LRRC4C: variants seen among roughly 807,000 people sequenced by gnomAD.
The protein encoded by LRRC4C is leucine-rich repeat-containing protein 4C.
In LRRC4C, 5 loss-of-function variants were observed where a neutral mutation model predicts 33.6. That is an observed-to-expected ratio of 0.15 (90% CI 0.08 to 0.31). The LOEUF is 0.31. LRRC4C is among the 10% of genes least tolerant of loss of function. The pLI is 1.00. For synonymous variants in LRRC4C, 329 were observed against 302.0 expected (o/e 1.09, Z -0.93); for missense variants, 560 against 796.7 (o/e 0.70, Z 3.58).
chr11:40,270,023 A>T (rs1209613374), intron 4 of LRRC4C, among the ~76,000 whole-genome samples: 3 of 152,144 alleles, frequency 2.0e-5, no homozygotes, highest in Admixed American at 2.0e-4. Flanking sequence ...CTTCTCCTGA[A>T]ATAGCAACAC....
intron 1 of LRRC4C, among the ~76,000 whole-genome samples, chr11:41,214,698 C>T (rs1053350346): frequency 6.8e-6 from 1 of 147,476 alleles, no homozygotes; most frequent in Admixed American, 6.8e-5. Flanking sequence ...TGCAGTGAGC[C>T]GAGATCACGC....
intron 5 of LRRC4C, among the ~76,000 whole-genome samples, chr11:40,228,283 T>C (rs922904128): frequency 1.3e-5 from 2 of 152,218 alleles, no homozygotes; most frequent in African/African-American, 2.4e-5. Context: ...ATTCTTCCAG[T>C]GAGGCAAAAT....
chr11:40,267,478 A>C (rs1275360356), intron 4 of LRRC4C, among the ~76,000 whole-genome samples: 1 of 152,090 alleles, frequency 6.6e-6, no homozygotes, highest in Non-Finnish European at 1.5e-5. Flanking sequence ...CAGCCTGCTG[A>C]GTAGCTGGGA....
intron 1 of LRRC4C, among the ~76,000 whole-genome samples, chr11:41,111,086 T>C (rs1027493340): frequency 6.6e-6 from 1 of 152,082 alleles, no homozygotes; most frequent in African/African-American, 2.4e-5. Flanking sequence ...TTTTAACTCA[T>C]GTAAGCCACT....
intron 4 of LRRC4C, among the ~76,000 whole-genome samples, chr11:40,266,928 A>C: frequency 6.7e-6 from 1 of 150,222 alleles, no homozygotes. Flanking sequence ...TTTGTTCTAA[A>C]CACACACCAC....
At chr11:41,156,088 C>T (rs769395306) in intron 1 of LRRC4C, among the ~76,000 whole-genome samples, 22 of 152,144 alleles carry the variant, frequency 1.4e-4, no homozygotes, top group Non-Finnish European at 2.6e-4. Flanking sequence ...CTTTGTAAAA[C>T]CCACGGACCC....
chr11:41,208,880 G>C (rs1946704560), intron 1 of LRRC4C, among the ~76,000 whole-genome samples: 2 of 152,156 alleles, frequency 1.3e-5, no homozygotes, highest in African/African-American at 4.8e-5. Flanking sequence ...CAGGGTCCTG[G>C]GGGTAGGGCA....
At chr11:41,329,999 G>T (rs578124225) in intron 1 of LRRC4C, among the ~76,000 whole-genome samples, 23 of 152,316 alleles carry the variant, frequency 1.5e-4, no homozygotes, top group Non-Finnish European at 2.4e-4. Flanking sequence ...TTTCCAGAAG[G>T]TTAATACCTG....
At chr11:40,475,104 A>G (rs1953142552) in intron 3 of LRRC4C, among the ~76,000 whole-genome samples, 2 of 152,180 alleles carry the variant, frequency 1.3e-5, no homozygotes, top group African/African-American at 2.4e-5. Context: ...TTTACTGGAT[A>G]TATACCCAAA....
chr11:41,448,624 T>C (rs1955918413), intron 1 of LRRC4C, among the ~76,000 whole-genome samples: 1 of 152,132 alleles, frequency 6.6e-6, no homozygotes, highest in African/African-American at 2.4e-5. Flanking sequence ...CTTTAAACTT[T>C]AAATCTTATT....
intron 2 of LRRC4C, among the ~76,000 whole-genome samples, chr11:40,930,246 C>CT (rs568792996): frequency 3.9e-5 from 6 of 152,272 alleles, no homozygotes; most frequent in Admixed American, 3.3e-4. Context: ...TCCAGCCAGT[C>CT]TGAGATGAAC....
chr11:40,716,461 A>G (rs1178695105), intron 2 of LRRC4C, among the ~76,000 whole-genome samples: 2 of 152,158 alleles, frequency 1.3e-5, no homozygotes, highest in Non-Finnish European at 2.9e-5. Context: ...AACAACAACA[A>G]TAACAAAATA....
chr11:40,409,257 T>C (rs775969831), intron 3 of LRRC4C, among the ~76,000 whole-genome samples: 1 of 151,872 alleles, frequency 6.6e-6, no homozygotes, highest in Non-Finnish European at 1.5e-5. Context: ...CAGAATGAAT[T>C]AAGAACTTAA....
At chr11:41,431,885 G>A (rs908102804) in intron 1 of LRRC4C, among the ~76,000 whole-genome samples, 1 of 152,068 alleles carries the variant, frequency 6.6e-6, no homozygotes, top group Non-Finnish European at 1.5e-5. Flanking sequence ...GGTTTTTGTG[G>A]TGGGCCATGC....
rs144528353 is a variant in LRRC4C at position 40,372,557 on chromosome 11, G to A, written c.-269-52836C>T. On this transcript the variant is annotated intron_variant, in intron 3 of 6. Transcript: ENST00000528697. ...ACATCAGCGAATTCTCTTTTGCCGC[G>A]TAACATAACTTGTTCACAGCTTCCA... is the stretch of plus-strand genomic sequence containing the variant. 3.3e-3 allele frequency among the ~76,000 whole-genome samples: 496 copies of A among 152,248 alleles called. 1 individual carries two copies. Among genetic ancestry groups the A allele is most frequent in the Non-Finnish European group, 5.0e-3 (342 of 68,030 alleles).
intron 1 of LRRC4C, among the ~76,000 whole-genome samples, chr11:40,941,631 T>C (rs1364785984): frequency 6.6e-6 from 1 of 152,156 alleles, no homozygotes; most frequent in East Asian, 1.9e-4. Flanking sequence ...TATCTTCACA[T>C]TGATTGATAG....
At chr11:40,565,541 T>C (rs1163691917) in intron 3 of LRRC4C, among the ~76,000 whole-genome samples, 5 of 152,276 alleles carry the variant, frequency 3.3e-5, no homozygotes, top group Non-Finnish European at 1.5e-5. Flanking sequence ...GGCTGAGATA[T>C]TCTCACAGTG....
chr11:40,482,090 C>T (rs1953599786), intron 3 of LRRC4C, among the ~76,000 whole-genome samples: 1 of 152,140 alleles, frequency 6.6e-6, no homozygotes, highest in Admixed American at 6.5e-5. Context: ...TCATTAGAGA[C>T]ATAAATTTCA....
At chr11:40,460,837 T>A (rs912722864) in intron 3 of LRRC4C, among the ~76,000 whole-genome samples, 3 of 152,096 alleles carry the variant, frequency 2.0e-5, no homozygotes, top group Admixed American at 6.6e-5. Context: ...ACTGACTGAA[T>A]AAATAAATGA....
Sources: allele counts gnomAD v4.1 joint callset (sites outside exome capture counted in the v4.1 genomes callset), GRCh38; gene constraint gnomAD v4.1.1; transcripts MANE v1.5; gene names NCBI Gene and HGNC (gene_info 2026-07-23, HGNC 2026-07-21).